Variants in SLC1A2 observed in about 807,000 individuals in gnomAD.
SLC1A2 encodes excitatory amino acid transporter 2.
Under a neutral mutation model 48.8 loss-of-function variants are expected in SLC1A2, and 15 were observed. The ratio of observed to expected loss-of-function variants is 0.31; its 90% confidence interval spans 0.21 to 0.47. The LOEUF is 0.47. Among genes scored for constraint, SLC1A2 ranks in the 20% least tolerant of loss-of-function variants. The pLI, the probability that SLC1A2 is intolerant of heterozygous loss-of-function variation, is 0.99. For missense variants in SLC1A2, 502 were observed against 730.5 expected (o/e 0.69, Z 3.61); for synonymous variants, 279 against 272.6 (o/e 1.02, Z -0.23).
chr11:35,381,788 T>C, intron 1 of SLC1A2, among the ~76,000 whole-genome samples: 1 of 152,218 alleles, frequency 6.6e-6, no homozygotes, highest in Non-Finnish European at 1.5e-5. Context: ...GGGGAGTACG[T>C]ATTTCTTGTA....
intron 1 of SLC1A2, among the ~76,000 whole-genome samples, chr11:35,337,661 C>T (rs866244230): frequency 5.3e-5 from 8 of 152,150 alleles, no homozygotes; most frequent in Non-Finnish European, 7.4e-5. Context: ...AGGGTAGAGT[C>T]CTTTAAGGTT....
At chr11:35,418,754 T>C in intron 1 of SLC1A2, 196 bp downstream of exon 1, 1 of 582,188 alleles carries the variant, frequency 1.7e-6, no homozygotes, top group Non-Finnish European at 3.1e-6. Context: ...CCTCTCGCAT[T>C]TTCAAAGGAT....
chr11:35,350,114 A>C (rs901628586), intron 1 of SLC1A2, among the ~76,000 whole-genome samples: 1 of 152,174 alleles, frequency 6.6e-6, no homozygotes, highest in Non-Finnish European at 1.5e-5. Flanking sequence ...GTATATATTC[A>C]ATACCTATCT....
chr11:35,337,435 G>A (rs1852676018), intron 1 of SLC1A2, among the ~76,000 whole-genome samples: 2 of 152,152 alleles, frequency 1.3e-5, no homozygotes, highest in Admixed American at 1.3e-4. Context: ...CAGCAGCAGG[G>A]AGTTCTCATG....
chr11:35,292,186 G>T, intron 7 of SLC1A2, 101 bp downstream of exon 7: 5 of 821,038 alleles, frequency 6.1e-6, no homozygotes, highest in Non-Finnish European at 1.0e-5. Flanking sequence ...TGTGCCAAGT[G>T]TTCTTATTGA....
At chr11:35,324,850 C>A (rs376314542) in intron 1 of SLC1A2, among the ~76,000 whole-genome samples, 1 of 152,184 alleles carries the variant, frequency 6.6e-6, no homozygotes, top group Non-Finnish European at 1.5e-5. Context: ...CAGATAGACT[C>A]ATCACCCCAA....
At chr11:35,296,852 A>T (rs1591440723) in intron 6 of SLC1A2, among the ~76,000 whole-genome samples, 3 of 152,110 alleles carry the variant, frequency 2.0e-5, no homozygotes, top group Admixed American at 2.0e-4. Flanking sequence ...ACTTATTACT[A>T]TTCGAATTAA....
At chr11:35,304,361 G>A (rs1851440701) in intron 5 of SLC1A2, among the ~76,000 whole-genome samples, 1 of 152,154 alleles carries the variant, frequency 6.6e-6, no homozygotes, top group Admixed American at 6.5e-5. Flanking sequence ...GGGGTTGGGT[G>A]TTTTAAGTTA....
intron 1 of SLC1A2, among the ~76,000 whole-genome samples, chr11:35,340,646 T>C (rs1359061183): frequency 6.6e-6 from 1 of 152,222 alleles, no homozygotes; most frequent in Non-Finnish European, 1.5e-5. Context: ...TTAGATGGGA[T>C]CACTTCCATT....
intron 1 of SLC1A2, among the ~76,000 whole-genome samples, chr11:35,381,041 A>T (rs1002425227): frequency 6.6e-6 from 1 of 152,250 alleles, no homozygotes; most frequent in Admixed American, 6.5e-5. Flanking sequence ...CTCAGGTATA[A>T]GTTACTCAAT....
At chr11:35,276,095 A>G (rs997671849) in intron 9 of SLC1A2, among the ~76,000 whole-genome samples, 24 of 152,172 alleles carry the variant, frequency 1.6e-4, no homozygotes, top group Non-Finnish European at 3.4e-4. Flanking sequence ...ACAAACATTC[A>G]TCCCCAGCAG....
chr11:35,380,485 G>A, intron 1 of SLC1A2: 1 of 398,408 alleles, frequency 2.5e-6, no homozygotes, highest in Non-Finnish European at 4.4e-6. Context: ...GCTAATCTGT[G>A]CGACTCCCTG....
At chr11:35,269,217 T>C (rs1850201220) in intron 9 of SLC1A2, among the ~76,000 whole-genome samples, 1 of 152,128 alleles carries the variant, frequency 6.6e-6, no homozygotes, top group Non-Finnish European at 1.5e-5. Context: ...AGACACAGAA[T>C]CTCCCAGTGC....
At chr11:35,329,730 C>A (rs1015105744) in intron 1 of SLC1A2, among the ~76,000 whole-genome samples, 1 of 152,126 alleles carries the variant, frequency 6.6e-6, no homozygotes, top group Admixed American at 6.5e-5. Flanking sequence ...TGCAGGGCAG[C>A]TTATCACTTC....
chr11:35,325,976 A>G (rs1565246289), intron 1 of SLC1A2, among the ~76,000 whole-genome samples: 1 of 150,718 alleles, frequency 6.6e-6, no homozygotes, highest in Non-Finnish European at 1.5e-5. Flanking sequence ...AAAAAAAAAA[A>G]AAAAAAAAAG....
At chr11:35,348,109 A>T (rs1156570385) in intron 1 of SLC1A2, among the ~76,000 whole-genome samples, 3 of 152,146 alleles carry the variant, frequency 2.0e-5, no homozygotes, top group African/African-American at 7.2e-5. Context: ...CTATCCCCTC[A>T]TTGCTCTGCA....
At chr11:35,314,801 T>C (rs1363899997) in intron 3 of SLC1A2, among the ~76,000 whole-genome samples, 1 of 151,166 alleles carries the variant, frequency 6.6e-6, no homozygotes, top group Non-Finnish European at 1.5e-5. Context: ...TTTTTTTTCT[T>C]TTTTTTGCTG....
chr11:35,363,686 T>G (rs948352674), intron 1 of SLC1A2, among the ~76,000 whole-genome samples: 2 of 152,168 alleles, frequency 1.3e-5, no homozygotes, highest in African/African-American at 4.8e-5. Context: ...ATCTTCTTGA[T>G]GAGGCAAAGA....
At chr11:35,372,058 T>C (rs752951370) in intron 1 of SLC1A2, among the ~76,000 whole-genome samples, 7 of 152,196 alleles carry the variant, frequency 4.6e-5, no homozygotes, top group Non-Finnish European at 1.0e-4. Context: ...CCTTCACCAC[T>C]GTCTGCAACT....
Sources: allele counts gnomAD v4.1 joint callset (sites outside exome capture counted in the v4.1 genomes callset), GRCh38; gene constraint gnomAD v4.1.1; transcripts MANE v1.5; gene names NCBI Gene and HGNC (gene_info 2026-07-23, HGNC 2026-07-21).